GALNT14: variants seen among roughly 807,000 people sequenced by gnomAD.
GALNT14 encodes the protein polypeptide N-acetylgalactosaminyltransferase 14.
GALNT14 carries 60 observed loss-of-function variants against 77.5 expected under a neutral mutation model. The observed-to-expected ratio is 0.77, with a 90% CI of 0.63 to 0.96. The LOEUF is 0.96. GALNT14 is among the 40% of genes least tolerant of loss of function. The pLI, the probability that GALNT14 is intolerant of heterozygous loss-of-function variation, is 0.00. For missense variants in GALNT14, 710 were observed against 731.0 expected (o/e 0.97, Z 0.33); for synonymous variants, 280 against 281.7 (o/e 0.99, Z 0.06).
chr2:30,916,867 A>T (rs1204077377), intron 13 of GALNT14, among the ~76,000 whole-genome samples: 1 of 152,000 alleles, frequency 6.6e-6, no homozygotes, highest in African/African-American at 2.4e-5. Flanking sequence ...TCACGAGGTC[A>T]GGAGTTTGAG....
At chr2:31,084,938 T>C (rs1450090554) in intron 1 of GALNT14, among the ~76,000 whole-genome samples, 1 of 151,798 alleles carries the variant, frequency 6.6e-6, no homozygotes, top group Non-Finnish European at 1.5e-5. Flanking sequence ...GGCAGGAGAA[T>C]TACTTGAACC....
At chr2:31,130,209 G>T (rs1678906865) in intron 1 of GALNT14, among the ~76,000 whole-genome samples, 1 of 152,214 alleles carries the variant, frequency 6.6e-6, no homozygotes, top group Admixed American at 6.5e-5. Context: ...AGGATGCAGG[G>T]GATCAGATGG....
At chr2:31,048,628 G>GCCTCCCCC (rs1558524689) in intron 1 of GALNT14, among the ~76,000 whole-genome samples, 2 of 44,354 alleles carry the variant, frequency 4.5e-5, no homozygotes, top group African/African-American at 1.8e-4. Context: ...CTGCCTCCCC[G>GCCTCCCCC]CAGCAGCAAT....
chr2:31,002,644 CAA>C (rs1387476189), intron 1 of GALNT14, among the ~76,000 whole-genome samples: 11 of 152,300 alleles, frequency 7.2e-5, no homozygotes. Context: ...AAGGGCCAGC[CAA>C]GAGAGGGAGA....
chr2:31,101,779 T>G (rs1677290401), intron 1 of GALNT14, among the ~76,000 whole-genome samples: 1 of 152,116 alleles, frequency 6.6e-6, no homozygotes, highest in Non-Finnish European at 1.5e-5. Context: ...AAATTTCATC[T>G]TGAATTTTAG....
At chr2:31,072,891 C>T (rs879570661) in intron 1 of GALNT14, among the ~76,000 whole-genome samples, 1 of 152,180 alleles carries the variant, frequency 6.6e-6, no homozygotes, top group Non-Finnish European at 1.5e-5. Flanking sequence ...ATTTTTTACA[C>T]ATAATGATAA....
chr2:31,043,535 T>G (rs1673233478), intron 1 of GALNT14, among the ~76,000 whole-genome samples: 1 of 152,170 alleles, frequency 6.6e-6, no homozygotes, highest in Non-Finnish European at 1.5e-5. Flanking sequence ...AAAAACACTG[T>G]GCTTGAAGAT....
chr2:31,110,746 G>T (rs1206241402), intron 1 of GALNT14, among the ~76,000 whole-genome samples: 1 of 152,116 alleles, frequency 6.6e-6, no homozygotes, highest in Non-Finnish European at 1.5e-5. Flanking sequence ...TAAAACTGGG[G>T]GGAATTAATG....
intron 1 of GALNT14, among the ~76,000 whole-genome samples, chr2:31,015,816 C>T (rs113781364): frequency 4.2e-4 from 64 of 152,266 alleles, no homozygotes; most frequent in African/African-American, 1.4e-3. Context: ...GTCAAGGTCA[C>T]GTAAGACAAG....
chr2:31,053,459 C>T lies in GALNT14; in HGVS notation c.130-60452G>A, dbSNP rs113811351. Among the ~76,000 whole-genome samples the T allele has an allele frequency of 6.5e-3, 977 of 151,298 alleles. 6 individuals carry two copies. The highest frequency in any genetic ancestry group is 0.011 in the South Asian group (50 of 4,738). The stretch of plus-strand genomic sequence containing the variant: ...GTTTTTCCCCACCCGCCCTGTCATG[C>T]CCTCCCGTCCTACACAGCTCCAACC... On this transcript the variant is annotated intron_variant, in intron 1 of 14. Transcript: ENST00000349752.
intron 4 of GALNT14, 90 bp from the exon 5 acceptor site, chr2:30,956,067 G>A (rs1667352626): frequency 1.5e-6 from 2 of 1,305,208 alleles, no homozygotes; most frequent in Non-Finnish European, 2.2e-6. Context: ...CTGAAGGGTA[G>A]GTGAGGCAGC....
Position 31,055,094 on chromosome 2 carries a change from C to A in GALNT14, c.130-62087G>T, listed in dbSNP as rs144319981. On this transcript the variant is annotated intron_variant, in intron 1 of 14. Coordinates refer to ENST00000349752, the MANE Select transcript of GALNT14 (RefSeq NM_024572.4). ...GTGACTAGGCCATAAAAATATTGCTCATAAAAGAAATCATGCTCTAGAGAA... is the reference window on the plus strand; with the variant it reads ...GTGACTAGGCCATAAAAATATTGCTAATAAAAGAAATCATGCTCTAGAGAA... Among the ~76,000 whole-genome samples the A allele has an allele frequency of 2.5e-4, 38 of 152,220 alleles. 1 individual carries two copies. The East Asian group carries it at 4.5e-3, about 18-fold the overall frequency.
intron 1 of GALNT14, among the ~76,000 whole-genome samples, chr2:31,035,795 G>C (rs556997080): frequency 6.6e-6 from 1 of 151,926 alleles, no homozygotes; most frequent in Admixed American, 6.6e-5. Flanking sequence ...TCTTATAAGC[G>C]GGAGCTAAAT....
intron 1 of GALNT14, among the ~76,000 whole-genome samples, chr2:30,998,283 T>C (rs536876138): frequency 6.6e-6 from 1 of 152,226 alleles, no homozygotes; most frequent in Admixed American, 6.5e-5. Context: ...AATCTCCTTT[T>C]CTCCTTCCTT....
At chr2:31,093,720 T>A (rs1038204295) in intron 1 of GALNT14, among the ~76,000 whole-genome samples, 1 of 152,270 alleles carries the variant, frequency 6.6e-6, no homozygotes, top group Non-Finnish European at 1.5e-5. Flanking sequence ...TTATCTATCA[T>A]GTATACATCA....
intron 1 of GALNT14, among the ~76,000 whole-genome samples, chr2:31,059,267 C>G (rs186227299): frequency 2.6e-5 from 4 of 152,184 alleles, no homozygotes; most frequent in Admixed American, 6.5e-5. Flanking sequence ...AGTATTAGTT[C>G]TCCTTGAATT....
chr2:31,026,343 C>T (rs570411158), intron 1 of GALNT14, among the ~76,000 whole-genome samples: 3 of 152,304 alleles, frequency 2.0e-5, no homozygotes, highest in South Asian at 4.1e-4. Flanking sequence ...AGTCTTAGCA[C>T]GAGGATGCTC....
chr2:30,998,990 AC>A (rs1428513558), intron 1 of GALNT14, among the ~76,000 whole-genome samples: 6 of 152,160 alleles, frequency 3.9e-5, no homozygotes, highest in South Asian at 4.2e-4. Flanking sequence ...TTGCTGAGAA[AC>A]CCTTCTCCTC....
At chr2:30,915,964 A>G (rs1022306789) in intron 13 of GALNT14, among the ~76,000 whole-genome samples, 13 of 152,230 alleles carry the variant, frequency 8.5e-5, no homozygotes, top group African/African-American at 3.1e-4. Flanking sequence ...GGACCTGTTT[A>G]GGATTAAACA....
Sources: gnomAD v4.1 joint callset for allele counts (sites outside exome capture counted in the v4.1 genomes callset) on GRCh38, gnomAD v4.1.1 for gene constraint, MANE v1.5 for transcripts, NCBI Gene and HGNC (gene_info 2026-07-23, HGNC 2026-07-21) for gene names.